Variants in UIMC1 observed in about 807,000 individuals in gnomAD.
UIMC1 encodes the protein BRCA1-A complex subunit RAP80.
Under a neutral mutation model 84.9 loss-of-function variants are expected in UIMC1, and 42 were observed. The ratio of observed to expected loss-of-function variants is 0.49; its 90% CI spans 0.39 to 0.64. The LOEUF is 0.64. Among genes scored for constraint, UIMC1 ranks in the 30% least tolerant of loss-of-function variants. UIMC1 has a pLI of 0.00. For missense variants in UIMC1, 825 were observed against 847.6 expected (o/e 0.97, Z 0.33); for synonymous variants, 281 against 293.0 (o/e 0.96, Z 0.42).
intron 10 of UIMC1, chr5:176,919,200 G>A: frequency 2.5e-6 from 1 of 395,224 alleles, no homozygotes; most frequent in Non-Finnish European, 4.9e-6. Context: ...GATTGCTTGA[G>A]GTGGAGAGGC....
intron 10 of UIMC1, among the ~76,000 whole-genome samples, chr5:176,930,933 G>A (rs1041156797): frequency 3.3e-5 from 5 of 152,174 alleles, no homozygotes; most frequent in Non-Finnish European, 7.3e-5. Context: ...TGCACTCAGA[G>A]GTAAAAGACT....
intron 6 of UIMC1, among the ~76,000 whole-genome samples, chr5:176,961,903 GC>G (rs1366991594): frequency 1.5e-5 from 1 of 65,182 alleles, no homozygotes; most frequent in Non-Finnish European, 3.1e-5. Context: ...GGGGGGATCG[GC>G]CCCCCGCCCG....
At chr5:176,998,079 TTCA>T (rs1254979822) in intron 1 of UIMC1, among the ~76,000 whole-genome samples, 2 of 152,140 alleles carry the variant, frequency 1.3e-5, no homozygotes, top group African/African-American at 4.8e-5. Flanking sequence ...TGCGTGATTT[TTCA>T]TCGAGAAAGA....
In UIMC1 at chr5:176,982,617, C is replaced by G. The variant is rs1004634890; in HGVS notation, c.-2G>C. On this transcript the variant is annotated 5_prime_UTR_variant, in exon 2 of 15. Coordinates refer to ENST00000511320, the MANE Select transcript of UIMC1 (RefSeq NM_001199298.2). ...AACTTTTTTCTTTCTCCGTGGCATCCTTTTGTCTAGAATAAAAGGACAATA... is the reference window on the plus strand; with the variant it reads ...AACTTTTTTCTTTCTCCGTGGCATCGTTTTGTCTAGAATAAAAGGACAATA... The G allele has an allele frequency of 1.9e-6, 3 of 1,612,306 alleles. No homozygotes were observed. Among genetic ancestry groups the G allele is most frequent in the Non-Finnish European group, 2.5e-6 (3 of 1,179,652 alleles).
intron 1 of UIMC1, among the ~76,000 whole-genome samples, chr5:176,989,424 C>A (rs1481451447): frequency 6.6e-6 from 1 of 151,912 alleles, no homozygotes; most frequent in Non-Finnish European, 1.5e-5. Context: ...CTTTGGGAGA[C>A]CAAGGTGAGA....
At chr5:177,006,110 C>T (rs1459982495) in intron 1 of UIMC1, among the ~76,000 whole-genome samples, 1 of 152,164 alleles carries the variant, frequency 6.6e-6, no homozygotes, top group Non-Finnish European at 1.5e-5. Flanking sequence ...AGGCGTGAGG[C>T]GGCGCGGACC....
At chr5:176,932,121 A>G (rs754519722) in intron 10 of UIMC1, among the ~76,000 whole-genome samples, 1 of 152,212 alleles carries the variant, frequency 6.6e-6, no homozygotes, top group Non-Finnish European at 1.5e-5. Flanking sequence ...AAGTTCATTC[A>G]GTAGCTAAGA....
At chr5:176,955,814 C>T (rs1376137367) in intron 8 of UIMC1, 145 bp downstream of exon 8, 2 of 634,424 alleles carry the variant, frequency 3.2e-6, no homozygotes, top group African/African-American at 3.7e-5. Flanking sequence ...TGTGTATACG[C>T]ATACGAGTGT....
intron 1 of UIMC1, among the ~76,000 whole-genome samples, chr5:176,990,146 A>G (rs531367857): frequency 1.6e-3 from 241 of 151,582 alleles, no homozygotes; most frequent in African/African-American, 5.6e-3. Flanking sequence ...GAGCCACTGC[A>G]CTCCAGCCTG....
Position 176,932,544 on chromosome 5 carries a change from GACAA to G in UIMC1, c.1597+10787_1597+10790del, listed in dbSNP as rs979704345. ...AGATAGACAGACAGACAGACAGACA[GACAA>G]ACATCAGCAGAATCCCAGATATGTA... On this transcript the variant is annotated intron_variant, in intron 10 of 14. Transcript: ENST00000511320. Among the ~76,000 whole-genome samples the G allele has an allele frequency of 6.4e-4, 97 of 152,212 alleles. 1 individual carries two copies. Among genetic ancestry groups the G allele is most frequent in the African/African-American group, 2.1e-3 (86 of 41,546 alleles).
chr5:176,925,834 C>A (rs561182665), intron 10 of UIMC1, among the ~76,000 whole-genome samples: 18 of 152,064 alleles, frequency 1.2e-4, no homozygotes, highest in Non-Finnish European at 2.9e-5. Flanking sequence ...GATAGGTATA[C>A]GCATATGCCC....
At chr5:176,968,500 C>G (rs1434262846) in intron 6 of UIMC1, 55 bp downstream of exon 6, 2 of 1,528,852 alleles carry the variant, frequency 1.3e-6, no homozygotes, top group Non-Finnish European at 1.7e-6. Context: ...CTAAAATAAT[C>G]CTTGTTTTAA....
At chr5:177,014,485 T>C (rs1221762870) in intron 1 of UIMC1, among the ~76,000 whole-genome samples, 1 of 152,172 alleles carries the variant, frequency 6.6e-6, no homozygotes, top group Non-Finnish European at 1.5e-5. Context: ...ATGTTAATTC[T>C]TTTCTGCACA....
Position 176,911,297 on chromosome 5 carries a change from G to A in UIMC1, c.1676+14C>T, listed in dbSNP as rs1412535589. 6.3e-7 allele frequency: 1 copy of A among 1,587,538 alleles called. No individual in the cohort carries two copies. Among genetic ancestry groups the A allele is most frequent in the Non-Finnish European group, 8.6e-7 (1 of 1,165,948 alleles). ...GTTATACAAGAGCTCCGTGAATGCAGCATACCTACTTACTTGTCAATGTCT... is the reference window on the plus strand; with the variant it reads ...GTTATACAAGAGCTCCGTGAATGCAACATACCTACTTACTTGTCAATGTCT... On this transcript the variant is annotated intron_variant, in intron 11 of 14. Transcript: ENST00000511320.
intron 9 of UIMC1, among the ~76,000 whole-genome samples, chr5:176,944,892 A>AG (rs1343688994): frequency 1.3e-5 from 2 of 152,228 alleles, no homozygotes; most frequent in African/African-American, 4.8e-5. Context: ...TACACTATGC[A>AG]GGCTCCACCA....
intron 3 of UIMC1, among the ~76,000 whole-genome samples, chr5:176,973,214 C>T (rs954128171): frequency 7.9e-5 from 12 of 151,980 alleles, no homozygotes; most frequent in African/African-American, 2.9e-4. Context: ...CTGGGCATGG[C>T]CAAGTCTGGC....
At chr5:176,965,890 A>C (rs1768220801) in intron 6 of UIMC1, among the ~76,000 whole-genome samples, 1 of 152,254 alleles carries the variant, frequency 6.6e-6, no homozygotes, top group Non-Finnish European at 1.5e-5. Context: ...TTGAATTACA[A>C]TAAATCATTA....
At chr5:177,011,903 C>A (rs1326202930) in intron 1 of UIMC1, among the ~76,000 whole-genome samples, 1 of 151,954 alleles carries the variant, frequency 6.6e-6, no homozygotes. Context: ...TGGGTTCACA[C>A]CATTCTCCTT....
rs1759698379 is a variant in UIMC1 at position 176,908,512 on chromosome 5, T to C, written c.1848+11A>G. 6.2e-7 allele frequency: 1 copy of C among 1,610,972 alleles called. No homozygotes were observed. On this transcript the variant is annotated intron_variant, in intron 12 of 14. Coordinates refer to ENST00000511320, the MANE Select transcript of UIMC1 (RefSeq NM_001199298.2). ...GGTTAGGTGGCCTTTCCCAAAACAC[T>C]CTACACATACCTTTGGGTTCTTCAG...
Sources: gnomAD v4.1 joint callset for allele counts (sites outside exome capture counted in the v4.1 genomes callset) on GRCh38, gnomAD v4.1.1 for gene constraint, MANE v1.5 for transcripts, NCBI Gene and HGNC (gene_info 2026-07-23, HGNC 2026-07-21) for gene names.